ZNF727: variants seen among roughly 807,000 people sequenced by gnomAD.
ZNF727 encodes putative zinc finger protein 727.
A neutral mutation model predicts 11.5 loss-of-function variants in ZNF727; 11 were observed. The ratio of observed to expected loss-of-function variants is 0.95; its 90% CI spans 0.60 to 1.58. The LOEUF is 1.58. Ranked by LOEUF, ZNF727 falls within the 40% of genes most tolerant of loss-of-function variation. The probability of loss-of-function intolerance (pLI) is 0.00; values close to 1 mark genes in which losing one functional copy is unlikely to be tolerated. For missense variants in ZNF727, 533 were observed against 581.7 expected (o/e 0.92, Z 0.86); for synonymous variants, 171 against 196.1 (o/e 0.87, Z 1.07).
intron 3 of ZNF727, among the ~76,000 whole-genome samples, chr7:64,070,144 TA>T: frequency 6.6e-6 from 1 of 152,112 alleles, no homozygotes; most frequent in East Asian, 1.9e-4. Context: ...CAGAAATTTA[TA>T]CTCAGTAATT....
rs1480511020 is a variant in ZNF727, at chr7:64,080,984, C to A, written c.*2435C>A. Among the ~76,000 whole-genome samples the A allele has an allele frequency of 6.6e-6, 1 of 151,808 alleles. No individual in the cohort carries two copies. Among genetic ancestry groups the A allele is most frequent in the African/African-American group, 2.4e-5 (1 of 41,302 alleles). The stretch of plus-strand genomic sequence containing the variant: ...TGCTCAGCTCACAACTTAGAGTCTG[C>A]ATACTCTAACTCTGGGGGAGTTGTA... On this transcript the variant is annotated 3_prime_UTR_variant, in exon 4 of 4. Transcript: ENST00000456806.
rs370228151 is a variant in ZNF727 at position 64,046,503 on chromosome 7, G to A, written c.3+879G>A. Among the ~76,000 whole-genome samples the A allele has an allele frequency of 1.6e-3, 240 of 152,294 alleles. 2 individuals are homozygous for A. The highest frequency in any genetic ancestry group is 5.6e-3 in the African/African-American group (231 of 41,566). On this transcript the variant is annotated intron_variant, in intron 1 of 3. Transcript: ENST00000456806. ...TCCTCTTGGTATTGACCTCTCGATAGTGACTGAGTTCCCTGAAGTTCTTAT... is the reference window on the plus strand; with the variant it reads ...TCCTCTTGGTATTGACCTCTCGATAATGACTGAGTTCCCTGAAGTTCTTAT...
At chr7:64,056,396 G>A (rs541638116) in intron 1 of ZNF727, among the ~76,000 whole-genome samples, 314 of 152,196 alleles carry the variant, frequency 2.1e-3, no homozygotes, top group Non-Finnish European at 2.7e-3. Context: ...AATTACAGCT[G>A]AGAATGTGAC....
chr7:64,059,031 G>A lies in ZNF727; in HGVS notation c.4-9860G>A, dbSNP rs369284275. Among the ~76,000 whole-genome samples, 104 of 149,962 alleles carry A rather than the reference G, an allele frequency of 6.9e-4. 1 individual carries two copies. The East Asian group carries it at 0.015, about 21-fold the overall frequency. On this transcript the variant is annotated intron_variant, in intron 1 of 3. Coordinates refer to ENST00000456806, the MANE Select transcript of ZNF727 (RefSeq NM_001159522.3). ...ACGATCTACGCTCACTGCAACCTCC[G>A]CCTCCCGGGTTCAAGTGATTCTCCT...
chr7:64,055,526 A>G (rs1428718147), intron 1 of ZNF727, among the ~76,000 whole-genome samples: 7 of 152,250 alleles, frequency 4.6e-5, no homozygotes, highest in East Asian at 3.9e-4. Context: ...TTGAAACTCT[A>G]TGTATTTCCC....
chr7:64,050,594 C>T (rs1789578111), intron 1 of ZNF727, among the ~76,000 whole-genome samples: 1 of 152,130 alleles, frequency 6.6e-6, no homozygotes. Context: ...ATTTTGTTTT[C>T]CAAACAGCCA....
At chr7:64,057,185 A>T (rs1033351801) in intron 1 of ZNF727, among the ~76,000 whole-genome samples, 1 of 152,162 alleles carries the variant, frequency 6.6e-6, no homozygotes, top group Non-Finnish European at 1.5e-5. Flanking sequence ...TTACATTTCA[A>T]TAGGTTCAGT....
rs145191276 is a variant in ZNF727 at position 64,078,309 on chromosome 7, A to T, written c.1260A>T (p.Glu420Asp). Residue 420 changes from glutamate to aspartate, a missense_variant, in exon 4 of 4, where the codon GAA becomes GAT. Coordinates refer to ENST00000456806, the MANE Select transcript of ZNF727 (RefSeq NM_001159522.3). The stretch of plus-strand genomic sequence containing the variant: ...TTAAACACAAGAGAATTCATATGGA[A>T]GTGAGACCTTACAAATGTGAAGAAT... ...NLIKHKRIHM[E>D]VRPYKCEECG... is the part of the protein sequence containing the mutation. 6.1e-5 allele frequency: 96 copies of T among 1,581,660 alleles called. No individual in the cohort carries two copies. In the East Asian group the frequency reaches 1.9e-3, roughly 31 times the overall value.
intron 1 of ZNF727, among the ~76,000 whole-genome samples, chr7:64,064,114 T>C: frequency 6.6e-6 from 1 of 152,146 alleles, no homozygotes; most frequent in East Asian, 1.9e-4. Flanking sequence ...ATCTTGTTAC[T>C]GCTACCTCAC....
chr7:64,045,552 C>T lies in ZNF727; in HGVS notation c.-70C>T. On this transcript the variant is annotated 5_prime_UTR_variant, in exon 1 of 4. Coordinates refer to ENST00000456806, the MANE Select transcript of ZNF727 (RefSeq NM_001159522.3). ...CTCCTCGGTGACTCCACCATAGCCCCTGTTATCCTGTGACCTGCAGGTACT... is the reference window on the plus strand; with the variant it reads ...CTCCTCGGTGACTCCACCATAGCCCTTGTTATCCTGTGACCTGCAGGTACT... 6.5e-7 allele frequency: 1 copy of T among 1,548,700 alleles called. No homozygotes were observed. The highest frequency in any genetic ancestry group is 1.2e-5 in the South Asian group (1 of 83,998).
chr7:64,077,491 A>G lies in ZNF727; in HGVS notation c.442A>G (p.Asn148Asp). The G allele has an allele frequency of 6.4e-7, 1 of 1,551,710 alleles. No individual in the cohort carries two copies. Among genetic ancestry groups the G allele is most frequent in the Non-Finnish European group, 8.7e-7 (1 of 1,146,918 alleles). The change falls in exon 4 of 4, where the codon AAT becomes GAT. Residue 148 changes from asparagine (N) to aspartate (D), a missense_variant. By Grantham distance (23) the Asn-to-Asp change is conservative. Coordinates refer to ENST00000456806, the MANE Select transcript of ZNF727 (RefSeq NM_001159522.3). ...SATRSKTCQY[N>D]KCGKAFGLCS... Reference sequence around the variant, plus strand: ...TACCCGTAGCAAAACCTGTCAATATAATAAATGTGGCAAAGCTTTTGGGTT... The same window carrying G: ...TACCCGTAGCAAAACCTGTCAATATGATAAATGTGGCAAAGCTTTTGGGTT...
Position 64,083,014 on chromosome 7 carries a change from C to T in ZNF727, c.*4465C>T, listed in dbSNP as rs1785816924. 6.6e-6 allele frequency among the ~76,000 whole-genome samples: 1 copy of T among 152,210 alleles called. No homozygotes were observed. Among genetic ancestry groups the T allele is most frequent in the Non-Finnish European group, 1.5e-5 (1 of 68,044 alleles). ...GGCTGGAACAGCTAAGTCACACAAA[C>T]AGCAAAAATGGCCGCTCACTCTTCC... is the stretch of plus-strand genomic sequence containing the variant. On this transcript the variant is annotated 3_prime_UTR_variant, in exon 4 of 4. Coordinates refer to ENST00000456806, the MANE Select transcript of ZNF727 (RefSeq NM_001159522.3).
intron 1 of ZNF727, among the ~76,000 whole-genome samples, chr7:64,047,985 G>T (rs1280928818): frequency 1.3e-5 from 2 of 152,204 alleles, no homozygotes; most frequent in Non-Finnish European, 2.9e-5. Context: ...AGTGTCTTTT[G>T]GGAGAGTGAT....
intron 1 of ZNF727, among the ~76,000 whole-genome samples, chr7:64,064,651 C>T (rs1027954402): frequency 6.6e-6 from 1 of 152,130 alleles, no homozygotes; most frequent in Non-Finnish European, 1.5e-5. Flanking sequence ...GTCCCAGTGG[C>T]TTACCTTTTA....
chr7:64,063,520 G>GCT (rs1428413848), intron 1 of ZNF727, among the ~76,000 whole-genome samples: 7,411 of 150,812 alleles, frequency 0.049, 205 homozygotes, highest in South Asian at 0.074. Flanking sequence ...GAGCTGGAGT[G>GCT]GGTGTAACAC....
In ZNF727 at chr7:64,084,289, G is replaced by T. The variant is rs1004910008; in HGVS notation, c.*5740G>T. 6.6e-6 allele frequency among the ~76,000 whole-genome samples: 1 copy of T among 152,104 alleles called. No homozygotes were observed. Among genetic ancestry groups the T allele is most frequent in the African/African-American group, 2.4e-5 (1 of 41,418 alleles). The stretch of plus-strand genomic sequence containing the variant: ...ATTGCTTTACCATTTGCAAACTAAG[G>T]TAATTAAAATACAGTGAGTTTCAAA... On this transcript the variant is annotated 3_prime_UTR_variant, in exon 4 of 4. Transcript: ENST00000456806.
chr7:64,048,785 G>C (rs1453575746), intron 1 of ZNF727, among the ~76,000 whole-genome samples: 1 of 152,154 alleles, frequency 6.6e-6, no homozygotes, highest in Admixed American at 6.5e-5. Flanking sequence ...ATGTTCATGG[G>C]AAGTGACACC....
intron 1 of ZNF727, among the ~76,000 whole-genome samples, chr7:64,055,521 ACT>A (rs1347101235): frequency 2.0e-5 from 3 of 151,956 alleles, no homozygotes; most frequent in African/African-American, 7.3e-5. Flanking sequence ...CAAAGTTGAA[ACT>A]CTATGTATTT....
intron 3 of ZNF727, among the ~76,000 whole-genome samples, chr7:64,076,107 G>A (rs1324251507): frequency 1.3e-5 from 2 of 151,760 alleles, no homozygotes; most frequent in Admixed American, 6.6e-5. Flanking sequence ...GTTTTTATTT[G>A]TGTATAATTT....
Sources: allele counts gnomAD v4.1 joint callset (sites outside exome capture counted in the v4.1 genomes callset), GRCh38; gene constraint gnomAD v4.1.1; transcripts MANE v1.5; gene names NCBI Gene and HGNC (gene_info 2026-07-23, HGNC 2026-07-21).